The following CPNE4 variants were observed in gnomAD, a reference collection of about 807,000 sequenced individuals.
CPNE4 encodes the protein copine-4.
CPNE4 carries 25 observed loss-of-function variants against 67.9 expected under a neutral mutation model. The observed-to-expected ratio is 0.37, with a 90% confidence interval of 0.27 to 0.51. The LOEUF is 0.51. Among genes scored for constraint, CPNE4 ranks in the 20% least tolerant of loss-of-function variants. CPNE4 has a pLI of 0.93. For missense variants in CPNE4, 464 were observed against 690.8 expected (o/e 0.67, Z 3.68); for synonymous variants, 242 against 244.9 (o/e 0.99, Z 0.11).
rs1009962415 is a variant in CPNE4 at position 131,862,147 on chromosome 3, A to G, written c.180+43117T>C. 2.2e-4 allele frequency among the ~76,000 whole-genome samples: 34 copies of G among 152,264 alleles called. 1 individual carries two copies. Among genetic ancestry groups the G allele is most frequent in the African/African-American group, 7.9e-4 (33 of 41,556 alleles). ...GAACTTTGGTACATTATAAACCTAT[A>G]TTTGCAGTCCAGAGACATTTCTGTG... On this transcript the variant is annotated intron_variant, in intron 2 of 15. Coordinates refer to ENST00000429747, the MANE Select transcript of CPNE4 (RefSeq NM_130808.3).
intron 2 of CPNE4, among the ~76,000 whole-genome samples, chr3:131,762,035 C>T (rs1185526085): frequency 1.3e-5 from 2 of 152,002 alleles, no homozygotes; most frequent in South Asian, 2.1e-4. Context: ...TAGTGACCCA[C>T]CATGATGCTT....
chr3:131,763,477 A>AT (rs2082939005), intron 2 of CPNE4, among the ~76,000 whole-genome samples: 1 of 152,078 alleles, frequency 6.6e-6, no homozygotes, highest in Non-Finnish European at 1.5e-5. Context: ...ACCAGTTATC[A>AT]TTTTTCACTT....
chr3:131,617,798 C>T (rs1211768401), intron 7 of CPNE4, among the ~76,000 whole-genome samples: 2 of 152,140 alleles, frequency 1.3e-5, no homozygotes, highest in Non-Finnish European at 2.9e-5. Context: ...TTCCAACAAA[C>T]CATTTTCTCC....
At chr3:131,576,832 G>A (rs567432349) in intron 9 of CPNE4, among the ~76,000 whole-genome samples, 4 of 152,192 alleles carry the variant, frequency 2.6e-5, no homozygotes, top group South Asian at 2.1e-4. Flanking sequence ...TCAAAACCAT[G>A]TGAGTGGTTT....
chr3:131,840,972 A>G (rs1031856999), intron 2 of CPNE4, among the ~76,000 whole-genome samples: 9 of 152,086 alleles, frequency 5.9e-5, no homozygotes, highest in African/African-American at 2.2e-4. Flanking sequence ...AAGAGAACAG[A>G]ACTCTGTTCT....
intron 7 of CPNE4, among the ~76,000 whole-genome samples, chr3:131,635,941 C>T (rs1464840776): frequency 9.9e-6 from 1 of 101,032 alleles, no homozygotes; most frequent in Non-Finnish European, 1.8e-5. Context: ...ATTAGCCGGG[C>T]GTAGTGGCGG....
intron 7 of CPNE4, among the ~76,000 whole-genome samples, chr3:131,603,516 A>C (rs557517985): frequency 6.6e-6 from 1 of 152,290 alleles, no homozygotes; most frequent in South Asian, 2.1e-4. Flanking sequence ...CAAATGTTTT[A>C]GAGTATCAGT....
In CPNE4 at chr3:131,953,238, T is replaced by TAAAAAA. The variant is rs369308316; in HGVS notation, c.-1-47795_-1-47794insTTTTTT. Reference sequence around the variant, plus strand: ...GTGAGAAACACCCAAGAATGATCAATTAAAAAAAAAAAAAAAAAAAAAAAA... The same window carrying TAAAAAA: ...GTGAGAAACACCCAAGAATGATCAATAAAAAATAAAAAAAAAAAAAAAAAAAAAAAA... On this transcript the variant is annotated intron_variant, in intron 1 of 15. Coordinates refer to ENST00000429747, the MANE Select transcript of CPNE4 (RefSeq NM_130808.3). Among the ~76,000 whole-genome samples the TAAAAAA allele has an allele frequency of 1.1e-3, 81 of 75,642 alleles. 1 individual carries two copies. Among genetic ancestry groups the TAAAAAA allele is most frequent in the African/African-American group, 3.0e-3 (61 of 20,122 alleles). The allele number at this position is 75,642 out of a possible 152,430, so 49.6% of individuals were successfully genotyped here.
intron 1 of CPNE4, among the ~76,000 whole-genome samples, chr3:131,982,922 T>C (rs2072945204): frequency 6.6e-6 from 1 of 152,054 alleles, no homozygotes; most frequent in Admixed American, 6.6e-5. Context: ...TATGCTTCTA[T>C]TAAAGTGATA....
At chr3:131,900,245 T>A (rs1472041462) in intron 2 of CPNE4, among the ~76,000 whole-genome samples, 2 of 131,500 alleles carry the variant, frequency 1.5e-5, no homozygotes, top group African/African-American at 5.5e-5. Flanking sequence ...GAAAAGGTGC[T>A]CAACATCACT....
Position 131,994,219 on chromosome 3 carries a change from C to G in CPNE4, c.-2+40348G>C, listed in dbSNP as rs887174325. Among the ~76,000 whole-genome samples, 15 of 136,388 alleles carry G rather than the reference C, an allele frequency of 1.1e-4. 3 individuals carry two copies. The East Asian group carries it at 3.5e-3, about 32-fold the overall frequency. The allele number at this position is 136,388 out of a possible 152,430, so 89.5% of individuals were successfully genotyped here. Reference sequence around the variant, plus strand: ...GACCTGAACAAATGAAGATGTATAACTCAACTTCATGGATTGGAAGATTTA... The same window carrying G: ...GACCTGAACAAATGAAGATGTATAAGTCAACTTCATGGATTGGAAGATTTA... On this transcript the variant is annotated intron_variant, in intron 1 of 15. Coordinates refer to ENST00000429747, the MANE Select transcript of CPNE4 (RefSeq NM_130808.3).
In CPNE4 at chr3:131,685,469, G is replaced by A. The variant is rs144907180; in HGVS notation, c.591+406C>T. ...AGGACACTGAAGATTTCAGGCCTTA[G>A]TTGATATCTACAGACATTAAGAAGT... On this transcript the variant is annotated intron_variant, in intron 6 of 15. Coordinates refer to ENST00000429747, the MANE Select transcript of CPNE4 (RefSeq NM_130808.3). 1.2e-4 allele frequency among the ~76,000 whole-genome samples: 18 copies of A among 151,992 alleles called. No individual in the cohort carries two copies. In the East Asian group the frequency reaches 3.5e-3, roughly 29 times the overall value.
intron 2 of CPNE4, among the ~76,000 whole-genome samples, chr3:131,872,007 G>C (rs912002013): frequency 9.2e-5 from 14 of 152,040 alleles, no homozygotes; most frequent in Non-Finnish European, 2.1e-4. Context: ...CCATGACACT[G>C]ACACGTCTCC....
intron 1 of CPNE4, among the ~76,000 whole-genome samples, chr3:132,025,407 CAGCATAACGCTTG>C (rs2074096846): frequency 6.6e-6 from 1 of 152,148 alleles, no homozygotes. Flanking sequence ...AGAGAAACTC[CAGCATAACGCTTG>C]AGTCACCTTT....
chr3:131,570,018 GT>G (rs1323391974), intron 10 of CPNE4, among the ~76,000 whole-genome samples: 1 of 150,924 alleles, frequency 6.6e-6, no homozygotes, highest in Admixed American at 6.6e-5. Flanking sequence ...TCTGCTTTAC[GT>G]TTTTGTAACA....
At chr3:131,633,934 G>A (rs1370510159) in intron 7 of CPNE4, among the ~76,000 whole-genome samples, 3 of 151,940 alleles carry the variant, frequency 2.0e-5, no homozygotes, top group Admixed American at 6.6e-5. Flanking sequence ...TTCTACTATT[G>A]TTGTTACTAC....
intron 2 of CPNE4, among the ~76,000 whole-genome samples, chr3:131,752,139 G>A (rs562422700): frequency 6.6e-6 from 1 of 152,248 alleles, no homozygotes; most frequent in East Asian, 1.9e-4. Flanking sequence ...AAGTTGGAGA[G>A]CTTTTACCAG....
intron 2 of CPNE4, among the ~76,000 whole-genome samples, chr3:131,734,898 GC>G (rs1410888428): frequency 6.6e-6 from 1 of 151,730 alleles, no homozygotes; most frequent in Non-Finnish European, 1.5e-5. Context: ...TCCCTCCCCT[GC>G]CCCCCAAAAA....
chr3:131,736,683 ACCC>A (rs1216823567), intron 2 of CPNE4, among the ~76,000 whole-genome samples: 1 of 151,152 alleles, frequency 6.6e-6, no homozygotes, highest in Non-Finnish European at 1.5e-5. Flanking sequence ...TGGGGTGGAC[ACCC>A]AGAGTTTAGG....
Sources: gnomAD v4.1 joint callset for allele counts (sites outside exome capture counted in the v4.1 genomes callset) on GRCh38, gnomAD v4.1.1 for gene constraint, MANE v1.5 for transcripts, NCBI Gene and HGNC (gene_info 2026-07-23, HGNC 2026-07-21) for gene names.